The following CFAP221 variants were observed in gnomAD, a reference collection of about 807,000 sequenced individuals.
CFAP221 encodes cilia and flagella associated protein 221.
Under a neutral mutation model 113.1 loss-of-function variants are expected in CFAP221, and 97 were observed. The observed-to-expected ratio is 0.86, with a 90% CI of 0.73 to 1.02. CFAP221 has a LOEUF of 1.02. Ranked by LOEUF, CFAP221 falls within the 50% of genes least tolerant of loss-of-function variation. CFAP221 has a pLI of 0.00. For missense variants in CFAP221, 1,025 were observed against 1,013.4 expected, an observed-to-expected ratio of 1.01 and a Z score of -0.16; for synonymous variants, 331 against 354.4, an observed-to-expected ratio of 0.93 and a Z score of 0.74.
At position 119,652,058 on chromosome 2, in the gene CFAP221, C is replaced by CA. The variant is rs1182138401; in HGVS notation, c.2404dup (p.Arg802LysfsTer71). The stretch of plus-strand genomic sequence containing the variant: ...TCCCTATGTTGAACTACAAGGACAT[C>CA]AGGAAGGAGAAGTAAGTGGATGCTT... On this transcript the variant is annotated frameshift_variant, in exon 23 of 24. Coordinates refer to ENST00000413369, the MANE Select transcript of CFAP221 (RefSeq NM_001271049.2). LOFTEE classifies it high-confidence loss of function. The CA allele has an allele frequency of 6.2e-7, 1 of 1,610,510 alleles. No homozygotes were observed. Among genetic ancestry groups the CA allele is most frequent in the Non-Finnish European group, 8.5e-7 (1 of 1,177,440 alleles).
At chr2:119,620,225 C>G (rs1428738321) in intron 14 of CFAP221, among the ~76,000 whole-genome samples, 1 of 152,162 alleles carries the variant, frequency 6.6e-6, no homozygotes, top group Non-Finnish European at 1.5e-5. Context: ...TATTCAAATT[C>G]AGGAAATACA....
intron 16 of CFAP221, among the ~76,000 whole-genome samples, chr2:119,628,613 A>C (rs1208609003): frequency 6.6e-6 from 1 of 152,238 alleles, no homozygotes; most frequent in Non-Finnish European, 1.5e-5. Flanking sequence ...GTATACTCAA[A>C]TCAATATTGC....
At chr2:119,635,973 A>G (rs1417901259) in intron 19 of CFAP221, among the ~76,000 whole-genome samples, 3 of 152,210 alleles carry the variant, frequency 2.0e-5, no homozygotes, top group Non-Finnish European at 2.9e-5. Context: ...AATCAACTGA[A>G]CATCAGTATG....
Position 119,639,792 on chromosome 2 carries a change from C to A in CFAP221, c.2145C>A (p.Pro715=). The A allele has an allele frequency of 6.2e-7, 1 of 1,613,446 alleles. No homozygotes were observed. Among genetic ancestry groups the A allele is most frequent in the Non-Finnish European group, 8.5e-7 (1 of 1,179,370 alleles). ...GACTTTCCTTACAGGACATTATTCC[C>A]GGAATAATGCACTGGAAAAGCTTCC... ...KQFLHHTDII[P]GIMHWKSFQS... Residue 715 remains proline, a synonymous_variant, in exon 21 of 24, where the codon CCC becomes CCA. Transcript: ENST00000413369.
In CFAP221 at chr2:119,546,581, G is replaced by A. The variant is rs146156034; in HGVS notation, c.139+311G>A. Among the ~76,000 whole-genome samples the A allele has an allele frequency of 3.5e-3, 533 of 152,106 alleles. 5 individuals are homozygous for A. The highest frequency in any genetic ancestry group is 0.012 in the African/African-American group (495 of 41,476). ...TCCTCCCCCACCACATTCTCCTCCT[G>A]TCAGTTTGCTTTCTAAAATCCTGGC... On this transcript the variant is annotated intron_variant, in intron 2 of 23. Coordinates refer to ENST00000413369, the MANE Select transcript of CFAP221 (RefSeq NM_001271049.2).
chr2:119,589,480 G>T (rs893030292), intron 7 of CFAP221: 1 of 152,178 alleles, frequency 6.6e-6, no homozygotes, highest in African/African-American at 2.4e-5. Flanking sequence ...TAAGAAACTG[G>T]GCTAATTTTA....
At chr2:119,553,602 G>A (rs1420688214) in intron 3 of CFAP221, among the ~76,000 whole-genome samples, 1 of 152,166 alleles carries the variant, frequency 6.6e-6, no homozygotes, top group Admixed American at 6.5e-5. Context: ...TTGTCAGGTA[G>A]GATTGAGCTT....
intron 3 of CFAP221, among the ~76,000 whole-genome samples, chr2:119,552,178 T>A (rs1680478856): frequency 6.7e-6 from 1 of 148,468 alleles, no homozygotes; most frequent in African/African-American, 2.5e-5. Context: ...TTTTTTTTTT[T>A]GCTTAGTATA....
rs757171005 is a variant in CFAP221 at position 119,604,761 on chromosome 2, C to T, written c.881C>T (p.Pro294Leu). The change falls in exon 9 of 24, where the codon CCG (proline) becomes CTG (leucine). Residue 294 changes from proline (P) to leucine (L), a missense_variant. Transcript: ENST00000413369. ...KAMMHINFHR[P>L]PAKPKPQKVK... ...ATGATGCATATAAATTTTCACCGAC[C>T]GCCAGCGAAGCCGAAGCCTCAGAAG... 1.2e-5 allele frequency: 18 copies of T among 1,542,758 alleles called. No homozygotes were observed. The highest frequency in any genetic ancestry group is 1.7e-4 in the Middle Eastern group (1 of 5,726).
At chr2:119,544,730 G>A (rs1679927479) in intron 1 of CFAP221, among the ~76,000 whole-genome samples, 1 of 152,220 alleles carries the variant, frequency 6.6e-6, no homozygotes, top group Non-Finnish European at 1.5e-5. Context: ...TGGAATGAAA[G>A]GTCGCGGAGG....
intron 6 of CFAP221, chr2:119,580,421 G>A (rs1426733957): frequency 6.6e-6 from 1 of 152,208 alleles, no homozygotes; most frequent in African/African-American, 2.4e-5. Context: ...TGTGCTCACA[G>A]TACAGCTACG....
intron 15 of CFAP221, among the ~76,000 whole-genome samples, chr2:119,627,098 T>C (rs761475086): frequency 2.0e-5 from 3 of 152,076 alleles, no homozygotes; most frequent in Non-Finnish European, 4.4e-5. Context: ...AAGCAGGCCC[T>C]AATCTTTCCA....
At chr2:119,637,449 A>G (rs1180367668) in intron 19 of CFAP221, among the ~76,000 whole-genome samples, 1 of 152,286 alleles carries the variant, frequency 6.6e-6, no homozygotes, top group South Asian at 2.1e-4. Flanking sequence ...TTGAGTTTCC[A>G]TAAGCTAAGT....
At chr2:119,601,110 CT>C (rs1053520622) in intron 7 of CFAP221, 107 bp from the exon 8 acceptor site, 1 of 1,155,504 alleles carries the variant, frequency 8.7e-7, no homozygotes, top group Non-Finnish European at 1.2e-6. Context: ...GTCAGTGCCC[CT>C]AATCTCCACA....
chr2:119,622,197 C>G (rs906423058), intron 14 of CFAP221, among the ~76,000 whole-genome samples: 1 of 152,168 alleles, frequency 6.6e-6, no homozygotes, highest in Non-Finnish European at 1.5e-5. Context: ...CACCACTGAT[C>G]CCACAGAAAT....
At chr2:119,602,497 A>T (rs1416354699) in intron 8 of CFAP221, 1 of 450,830 alleles carries the variant, frequency 2.2e-6, no homozygotes, top group Admixed American at 6.4e-5. Flanking sequence ...ATGGATACAC[A>T]TCACATATTC....
At chr2:119,576,271 A>C (rs1558927359) in intron 6 of CFAP221, among the ~76,000 whole-genome samples, 1 of 152,070 alleles carries the variant, frequency 6.6e-6, no homozygotes, top group Non-Finnish European at 1.5e-5. Flanking sequence ...ACAGGGGTTT[A>C]TTTTACAGAT....
chr2:119,638,782 A>G lies in CFAP221; in HGVS notation c.2133+365A>G, dbSNP rs1423066393. Among the ~76,000 whole-genome samples, 3 of 152,240 alleles carry G rather than the reference A, an allele frequency of 2.0e-5. No homozygotes were observed. In the South Asian group the frequency reaches 6.2e-4, roughly 32 times the overall value. On this transcript the variant is annotated intron_variant, in intron 20 of 23. Transcript: ENST00000413369. ...CCCAAGTGTAGAAACCAGAATGGAC[A>G]AAGTAGTGGAGTGACACATGCAAAG...
At chr2:119,613,346 G>A (rs982293405) in intron 13 of CFAP221, among the ~76,000 whole-genome samples, 2 of 152,242 alleles carry the variant, frequency 1.3e-5, no homozygotes, top group Non-Finnish European at 2.9e-5. Flanking sequence ...GGGATTCCGT[G>A]TGGGGGCTCC....
Sources: allele counts gnomAD v4.1 joint callset (sites outside exome capture counted in the v4.1 genomes callset), GRCh38; gene constraint gnomAD v4.1.1; transcripts MANE v1.5; gene names NCBI Gene and HGNC (gene_info 2026-07-23, HGNC 2026-07-21).